The following DSC3 variants were observed in gnomAD, a reference collection of about 807,000 sequenced individuals.
DSC3 encodes the protein desmocollin 3.
DSC3 carries 97 observed loss-of-function variants against 89.5 expected under a neutral mutation model. The observed-to-expected ratio is 1.08, with a 90% CI of 0.92 to 1.28. The LOEUF (loss-of-function observed/expected upper bound fraction) is 1.28, where lower values mean the gene tolerates loss of function less well. DSC3 is among the 50% of genes most tolerant of loss of function. DSC3 has a pLI of 0.00. For missense variants in DSC3, 1,199 were observed against 1,085.3 expected, an observed-to-expected ratio of 1.10 and a Z score of -1.47; for synonymous variants, 436 against 384.1, an observed-to-expected ratio of 1.14 and a Z score of -1.58.
chr18:31,016,246 C>T (rs907025386), intron 9 of DSC3, among the ~76,000 whole-genome samples: 1 of 152,194 alleles, frequency 6.6e-6, no homozygotes, highest in African/African-American at 2.4e-5. Context: ...GCCTAGTGAG[C>T]AGCCCTGCTC....
intron 8 of DSC3, 110 bp downstream of exon 8, chr18:31,018,556 A>T: frequency 8.3e-7 from 1 of 1,203,828 alleles, no homozygotes; most frequent in Non-Finnish European, 1.2e-6. Context: ...TTCATAAAAT[A>T]CGTATACGTC....
rs180753140 is a variant in DSC3, at chr18:31,028,845, A to G, written c.474+664T>C. On this transcript the variant is annotated intron_variant, in intron 4 of 15. Transcript: ENST00000360428. ...CTTACTAGTAGAATGCACATAGTCC[A>G]TAGTGGTTTGACCCCTACCTCCCTC... 8.7e-4 allele frequency among the ~76,000 whole-genome samples: 133 copies of G among 152,230 alleles called. 1 individual carries two copies. The Middle Eastern group carries it at 0.01, about 12-fold the overall frequency.
Position 30,993,914 on chromosome 18 carries a change from T to TAA in DSC3, c.*259_*260dup, listed in dbSNP as rs1222542700. On this transcript the variant is annotated 3_prime_UTR_variant, in exon 16 of 16. Coordinates refer to ENST00000360428, the MANE Select transcript of DSC3 (RefSeq NM_001941.5). ...AGCATATTTATTACTAAAATATCCG[T>TAA]AAAAAAAAAAAAGAGCAGATGCTTT... 6,767 of 300,022 alleles carry TAA rather than the reference T, an allele frequency of 0.023. 312 individuals carry two copies. The highest frequency in any genetic ancestry group is 0.12 in the African/African-American group (5,170 of 44,490). The allele number at this position is 300,022 out of a possible 1,614,324, so 18.6% of individuals were successfully genotyped here.
intron 9 of DSC3, among the ~76,000 whole-genome samples, chr18:31,016,740 G>A (rs1289463760): frequency 6.6e-6 from 1 of 152,158 alleles, no homozygotes; most frequent in African/African-American, 2.4e-5. Context: ...CAACCAGTGG[G>A]GCCTGGGTAC....
Position 30,993,709 on chromosome 18 carries a change from C to CA in DSC3, c.*465dup. 1 of 167,728 alleles carries CA rather than the reference C, an allele frequency of 6.0e-6. No individual in the cohort carries two copies. The highest frequency in any genetic ancestry group is 1.3e-5 in the Non-Finnish European group (1 of 77,552). 10.4% of individuals were successfully genotyped at this position (167,728 alleles called of 1,614,324 possible). A position where few individuals can be genotyped will look rare whatever the true frequency, so the allele number is the denominator to read the frequency against. On this transcript the variant is annotated 3_prime_UTR_variant, in exon 16 of 16. Coordinates refer to ENST00000360428, the MANE Select transcript of DSC3 (RefSeq NM_001941.5). ...TTGGTAGTGCAGTAGGGGTGAGTCCCAATTCTTTATGAGCTGCAACATTTT... is the reference window on the plus strand; with the variant it reads ...TTGGTAGTGCAGTAGGGGTGAGTCCCAAATTCTTTATGAGCTGCAACATTTT...
Position 30,994,305 on chromosome 18 carries a change from T to G in DSC3, c.2561A>C (p.Tyr854Ser). ...PSQDYVLTYN[Y>S]EGRGSPAGSV... is the part of the protein sequence containing the mutation. ...ACCAGCTGGAGATCCTCTTCCCTCA[T>G]AGTTATAAGTGAGGACATAATCTTG... The change falls in exon 16 of 16, where the codon TAT (tyrosine) becomes TCT (serine). Residue 854 changes from tyrosine (Y) to serine (S), a missense_variant. Coordinates refer to ENST00000360428, the MANE Select transcript of DSC3 (RefSeq NM_001941.5). The G allele has an allele frequency of 1.2e-6, 2 of 1,614,054 alleles. No individual in the cohort carries two copies.
rs1477204264 is a variant in DSC3, at chr18:31,029,618, G to A, written c.365C>T (p.Thr122Ile). ...LLEHQKKVSK[T>I]RHTRETVLRR... is the part of the protein sequence containing the mutation. ...GAGAACAGTTTCTCTAGTGTGTCTT[G>A]TCTTCGATACCTGAATTTAGAGAAA... Residue 122 changes from threonine to isoleucine, a missense_variant, in exon 4 of 16, where the codon ACA becomes ATA. Physicochemically the swap from Thr to Ile is moderately conservative, Grantham distance 89. Coordinates refer to ENST00000360428, the MANE Select transcript of DSC3 (RefSeq NM_001941.5). The A allele has an allele frequency of 1.2e-6, 2 of 1,613,720 alleles. No homozygotes were observed. Among genetic ancestry groups the A allele is most frequent in the South Asian group, 1.1e-5 (1 of 91,076 alleles).
At chr18:31,042,481 C>A in intron 1 of DSC3, 111 bp downstream of exon 1, 1 of 1,139,278 alleles carries the variant, frequency 8.8e-7, no homozygotes, top group South Asian at 1.3e-5. Context: ...CAGCATTGAT[C>A]TGAGCCGCGG....
intron 4 of DSC3, among the ~76,000 whole-genome samples, chr18:31,027,171 A>G (rs1238528522): frequency 1.3e-5 from 2 of 152,124 alleles, no homozygotes; most frequent in Non-Finnish European, 2.9e-5. Context: ...TTTTCCTTCT[A>G]CAGTGTCCTC....
At chr18:31,001,909 G>A (rs1984677737) in intron 13 of DSC3, among the ~76,000 whole-genome samples, 170 bp from the exon 14 acceptor site, 1 of 151,978 alleles carries the variant, frequency 6.6e-6, no homozygotes. Context: ...GATAGCTTAG[G>A]TTTTAGAATC....
chr18:31,001,079 T>G (rs1307509973), intron 14 of DSC3, among the ~76,000 whole-genome samples: 1 of 127,246 alleles, frequency 7.9e-6, no homozygotes, highest in East Asian at 2.7e-4. Context: ...TATATATACT[T>G]TGTGTGTGTG....
chr18:30,997,792 A>G (rs2144675038), intron 14 of DSC3, among the ~76,000 whole-genome samples: 1 of 152,290 alleles, frequency 6.6e-6, no homozygotes, highest in African/African-American at 2.4e-5. Context: ...GGTAGGTGGA[A>G]TAGAACAGGT....
At chr18:31,019,935 G>C (rs888394729) in intron 7 of DSC3, among the ~76,000 whole-genome samples, 1 of 152,152 alleles carries the variant, frequency 6.6e-6, no homozygotes, top group African/African-American at 2.4e-5. Flanking sequence ...CAAGTTAAGA[G>C]AGAATGATTT....
Position 31,004,317 on chromosome 18 carries a change from A to G in DSC3, c.1938T>C (p.Tyr646=), listed in dbSNP as rs1984766264. The change falls in exon 13 of 16, where the codon TAT becomes TAC. Residue 646 remains tyrosine, a synonymous_variant. Transcript: ENST00000360428. The stretch of plus-strand genomic sequence containing the variant: ...TGTCTTTTACAGTAATAGGAATGGT[A>G]TATTCTTGAAATCCAGCATTTTTCT... ...SYQKNAGFQE[Y]TIPITVKDRA... The G allele has an allele frequency of 1.2e-6, 2 of 1,613,904 alleles. No homozygotes were observed. The highest frequency in any genetic ancestry group is 8.5e-7 in the Non-Finnish European group (1 of 1,179,924).
chr18:30,990,606 A>G lies in DSC3; in HGVS notation c.*3569T>C, dbSNP rs956624082. The G allele has an allele frequency of 6.6e-6, 1 of 152,188 alleles. No homozygotes were observed. The highest frequency in any genetic ancestry group is 1.5e-5 in the Non-Finnish European group (1 of 68,024). The allele number at this position is 152,188 out of a possible 1,614,324, so 9.4% of individuals were successfully genotyped here. A position where few individuals can be genotyped will look rare whatever the true frequency, so the allele number is the denominator to read the frequency against. Reference sequence around the variant, plus strand: ...AAAGATTCACTGTGAAGCACAGAGCACCTTTATGGTTGGATCATCTTGTCA... The same window carrying G: ...AAAGATTCACTGTGAAGCACAGAGCGCCTTTATGGTTGGATCATCTTGTCA... On this transcript the variant is annotated 3_prime_UTR_variant, in exon 16 of 16. Transcript: ENST00000360428.
intron 1 of DSC3, among the ~76,000 whole-genome samples, chr18:31,034,273 A>G (rs759345267): frequency 1.4e-4 from 21 of 152,226 alleles, no homozygotes; most frequent in Non-Finnish European, 2.1e-4. Flanking sequence ...ATGGCCAAAA[A>G]GTAGATGAAA....
At position 31,026,719 on chromosome 18, in the gene DSC3, A is replaced by T. The variant is rs75696643; in HGVS notation, c.475-804T>A. 1.4e-3 allele frequency among the ~76,000 whole-genome samples: 210 copies of T among 152,228 alleles called. 3 individuals are homozygous for T. The East Asian group carries it at 0.032, about 23-fold the overall frequency. ...AATATCTATTCTGCCCATCTTCCTT[A>T]GTATTAGAATTTGTAGTGATCACAA... On this transcript the variant is annotated intron_variant, in intron 4 of 15. Transcript: ENST00000360428.
chr18:30,996,599 G>A (rs1209089905), intron 15 of DSC3, among the ~76,000 whole-genome samples, 192 bp downstream of exon 15: 1 of 151,878 alleles, frequency 6.6e-6, no homozygotes, highest in African/African-American at 2.4e-5. Context: ...TAAATTAAAT[G>A]AAATATGAAA....
Position 31,032,138 on chromosome 18 carries a change from T to G in DSC3, c.154+54A>C, listed in dbSNP as rs369740910. 580 of 1,280,742 alleles carry G rather than the reference T, an allele frequency of 4.5e-4. 9 individuals are homozygous for G. Among genetic ancestry groups the G allele is most frequent in the South Asian group, 4.4e-3 (371 of 83,922 alleles). The allele number at this position is 1,280,742 out of a possible 1,614,324, so 79.3% of individuals were successfully genotyped here. A position where few individuals can be genotyped will look rare whatever the true frequency, so the allele number is the denominator to read the frequency against. ...GGCAAAGGTATTATATCATGCTCTT[T>G]CCAGCCTATGTAAACTAAATTTCTG... On this transcript the variant is annotated intron_variant, in intron 2 of 15. Coordinates refer to ENST00000360428, the MANE Select transcript of DSC3 (RefSeq NM_001941.5).
Sources: allele counts gnomAD v4.1 joint callset (sites outside exome capture counted in the v4.1 genomes callset), GRCh38; gene constraint gnomAD v4.1.1; transcripts MANE v1.5; gene names NCBI Gene and HGNC (gene_info 2026-07-23, HGNC 2026-07-21).